S100Z: variants seen among roughly 807,000 people sequenced by gnomAD.
S100Z encodes the protein protein S100-Z.
S100Z carries 11 observed loss-of-function variants against 8.5 expected under a neutral mutation model. The ratio of observed to expected loss-of-function variants is 1.30; its 90% CI spans 0.82 to 2.15. The LOEUF is 2.15. Among genes scored for constraint, S100Z ranks in the 30% most tolerant of loss-of-function variants. The pLI is 0.00. For missense variants in S100Z, 126 were observed against 117.9 expected (o/e 1.07, Z -0.32); for synonymous variants, 34 against 43.8 (o/e 0.78, Z 0.89).
the S100Z span, among the ~76,000 whole-genome samples, chr5:76,928,709 G>A: frequency 5.0e-3 from 758 of 152,276 alleles, 5 homozygotes; most frequent in Non-Finnish European, 7.9e-3. Flanking sequence ...CACTTACTGG[G>A]GTAGAAGTTG....
At chr5:76,870,817 A>G (rs1009006084) in intron 2 of S100Z, among the ~76,000 whole-genome samples, 2 of 152,078 alleles carry the variant, frequency 1.3e-5, no homozygotes, top group African/African-American at 2.4e-5. Context: ...GAGAGGGGAA[A>G]GTGCTTTAAA....
At chr5:76,897,895 G>GT (rs1221028628) in intron 4 of S100Z, among the ~76,000 whole-genome samples, 1 of 152,048 alleles carries the variant, frequency 6.6e-6, no homozygotes, top group East Asian at 1.9e-4. Flanking sequence ...GACTCCTTAG[G>GT]TTTTTCCAAA....
At chr5:76,886,648 T>G (rs761591922) in intron 4 of S100Z, among the ~76,000 whole-genome samples, 1 of 152,054 alleles carries the variant, frequency 6.6e-6, no homozygotes, top group Non-Finnish European at 1.5e-5. Context: ...ACAAGGCTGT[T>G]TATATTACCT....
At chr5:76,920,009 A>G (rs910154060) in intron 4 of S100Z, among the ~76,000 whole-genome samples, 8 of 151,658 alleles carry the variant, frequency 5.3e-5, no homozygotes, top group African/African-American at 1.9e-4. Flanking sequence ...CCCGAGTTCA[A>G]GCAGTTCCCC....
intron 2 of S100Z, among the ~76,000 whole-genome samples, chr5:76,873,047 T>C (rs1358736138): frequency 6.6e-6 from 1 of 152,172 alleles, no homozygotes; most frequent in Non-Finnish European, 1.5e-5. Context: ...GTAGGTGCTA[T>C]GGTCATCCCC....
chr5:76,877,660 C>T lies in S100Z; in HGVS notation c.142-14C>T. 1.3e-6 allele frequency: 2 copies of T among 1,567,560 alleles called. No individual in the cohort carries two copies. Among genetic ancestry groups the T allele is most frequent in the South Asian group, 1.1e-5 (1 of 88,010 alleles). On this transcript the variant is annotated splice_polypyrimidine_tract_variant and intron_variant, in intron 3 of 4. Coordinates refer to ENST00000317593, the MANE Select transcript of S100Z (RefSeq NM_130772.4). ...TCAGAGCCAGGGAGTTAGAAATTTC[C>T]TTTCTCATTTTAGTGCCAAAAGGAA...
chr5:76,926,414 T>C (rs1440845929), downstream of S100Z, among the ~76,000 whole-genome samples: 1 of 152,010 alleles, frequency 6.6e-6, no homozygotes, highest in Non-Finnish European at 1.5e-5. Flanking sequence ...GTAATGGGCT[T>C]TGAGGAAAAA....
chr5:76,952,812 C>T, the S100Z span: 7 of 322,756 alleles, frequency 2.2e-5, no homozygotes, highest in African/African-American at 1.0e-4. Context: ...TCTTTGTCTC[C>T]GCCTCATTCT....
chr5:76,862,601 C>T (rs972846556), intron 1 of S100Z, among the ~76,000 whole-genome samples: 2 of 152,064 alleles, frequency 1.3e-5, no homozygotes, highest in African/African-American at 4.8e-5. Context: ...GAGTTCGAGA[C>T]CAGCCTGGCC....
chr5:76,861,233 A>G (rs1751046502), intron 1 of S100Z, among the ~76,000 whole-genome samples: 1 of 152,172 alleles, frequency 6.6e-6, no homozygotes, highest in South Asian at 2.1e-4. Context: ...AAGAGGCCTC[A>G]GTCCTTTGTC....
intron 4 of S100Z, among the ~76,000 whole-genome samples, chr5:76,906,640 T>C (rs1223667548): frequency 1.0e-5 from 1 of 99,806 alleles, no homozygotes; most frequent in East Asian, 2.7e-4. Flanking sequence ...TTTTGTTTTT[T>C]GTTTTTTTTT....
At chr5:76,928,502 G>C in the S100Z span, among the ~76,000 whole-genome samples, 1 of 152,158 alleles carries the variant, frequency 6.6e-6, no homozygotes, top group African/African-American at 2.4e-5. Context: ...AGCTGGGAAG[G>C]TGAAGCTACT....
intron 4 of S100Z, among the ~76,000 whole-genome samples, chr5:76,887,016 GA>G (rs1743667906): frequency 6.6e-6 from 1 of 152,114 alleles, no homozygotes; most frequent in South Asian, 2.1e-4. Flanking sequence ...TCAGAGGCCT[GA>G]AAGAGATCAT....
At chr5:76,884,662 G>A (rs1337306623) in intron 4 of S100Z, among the ~76,000 whole-genome samples, 1 of 152,192 alleles carries the variant, frequency 6.6e-6, no homozygotes, top group Admixed American at 6.5e-5. Context: ...ACGTCTTTAA[G>A]AGGAAATAGT....
chr5:76,857,498 A>AT (rs11317478), intron 1 of S100Z, among the ~76,000 whole-genome samples: 2,001 of 125,316 alleles, frequency 0.016, 48 homozygotes, highest in African/African-American at 0.046. Context: ...TCCTGCCCCC[A>AT]TTTTTTTTTT....
chr5:76,860,155 C>T (rs1751014554), intron 1 of S100Z, among the ~76,000 whole-genome samples: 1 of 152,126 alleles, frequency 6.6e-6, no homozygotes, highest in African/African-American at 2.4e-5. Context: ...TCAGGTGAAT[C>T]TTCCAGGAAT....
chr5:76,866,054 G>C (rs1014818284), intron 1 of S100Z, among the ~76,000 whole-genome samples: 4 of 151,446 alleles, frequency 2.6e-5, no homozygotes, highest in Non-Finnish European at 5.9e-5. Flanking sequence ...GTAAGGTAAG[G>C]TTAACTTATT....
intron 4 of S100Z, among the ~76,000 whole-genome samples, chr5:76,897,339 A>T (rs546326176): frequency 2.0e-5 from 3 of 152,182 alleles, no homozygotes; most frequent in African/African-American, 7.2e-5. Context: ...CTACTTGTAG[A>T]GGCTGAGGCA....
At chr5:76,911,380 G>A (rs58476956) in intron 4 of S100Z, among the ~76,000 whole-genome samples, 1 of 152,130 alleles carries the variant, frequency 6.6e-6, no homozygotes, top group Non-Finnish European at 1.5e-5. Context: ...CCTATAGCCT[G>A]CTCTCCCAAA....
Sources: allele counts gnomAD v4.1 joint callset (sites outside exome capture counted in the v4.1 genomes callset), GRCh38; gene constraint gnomAD v4.1.1; transcripts MANE v1.5; gene names NCBI Gene and HGNC (gene_info 2026-07-23, HGNC 2026-07-21).